RPS24: variants seen among roughly 807,000 people sequenced by gnomAD.
RPS24 encodes the protein ribosomal protein S24.
For missense variants in RPS24, 100 were observed against 162.5 expected, an observed-to-expected ratio of 0.62 and a Z score of 2.09; for synonymous variants, 72 against 55.6, an observed-to-expected ratio of 1.30 and a Z score of -1.31.
chr10:78,046,297 A>G (rs1311881572), intron 4 of RPS24, among the ~76,000 whole-genome samples: 4 of 151,466 alleles, frequency 2.6e-5, no homozygotes, highest in Non-Finnish European at 5.9e-5. Flanking sequence ...TTTATTGTTT[A>G]CCATGTGCCA....
At chr10:78,050,664 G>A (rs1281482069) in intron 4 of RPS24, among the ~76,000 whole-genome samples, 8 of 152,184 alleles carry the variant, frequency 5.3e-5, no homozygotes, top group Admixed American at 6.5e-5. Context: ...AGCCTGGAGT[G>A]CAGTGATGTG....
chr10:78,055,167 A>G (rs1848138420), exon 5 of RPS24: 1 of 1,234,630 alleles, frequency 8.1e-7, no homozygotes, highest in African/African-American at 1.5e-5. Flanking sequence ...CTCTCACCCA[A>G]ATGCCAAAGA....
At chr10:78,046,890 G>A (rs1159508248) in intron 4 of RPS24, among the ~76,000 whole-genome samples, 2 of 152,184 alleles carry the variant, frequency 1.3e-5, no homozygotes, top group Admixed American at 6.5e-5. Context: ...GACAGCAGCA[G>A]CAGTGTCACC....
chr10:78,056,353 A>G (rs1389000855), exon 5 of RPS24: 3 of 151,974 alleles, frequency 2.0e-5, no homozygotes, highest in African/African-American at 7.3e-5. Context: ...CCTCTTCAAG[A>G]ATTCATTCTA....
intron 3 of RPS24, chr10:78,036,005 A>T (rs1429206991): frequency 4.7e-6 from 2 of 423,512 alleles, no homozygotes; most frequent in African/African-American, 4.0e-5. Context: ...GTGTTTGGAA[A>T]GGTAGCCTGG....
chr10:78,050,930 C>T (rs1290353953), intron 4 of RPS24, among the ~76,000 whole-genome samples: 2 of 152,210 alleles, frequency 1.3e-5, no homozygotes, highest in African/African-American at 4.8e-5. Flanking sequence ...GTGTCTCATG[C>T]TTATAATCCC....
chr10:78,034,902 C>G (rs541127599), intron 1 of RPS24, among the ~76,000 whole-genome samples: 1 of 152,236 alleles, frequency 6.6e-6, no homozygotes, highest in African/African-American at 2.4e-5. Context: ...AGTGATTTTT[C>G]TCCTAAGGGA....
At chr10:78,033,984 T>C (rs1847799359) in intron 1 of RPS24, 80 bp downstream of exon 1, 1 of 1,561,010 alleles carries the variant, frequency 6.4e-7, no homozygotes, top group South Asian at 1.1e-5. Flanking sequence ...ACTTGAGCTA[T>C]AGGCACGCGA....
At chr10:78,040,081 C>A in intron 4 of RPS24, 123 bp from the exon 5 acceptor site, 1 of 875,664 alleles carries the variant, frequency 1.1e-6, no homozygotes, top group South Asian at 1.4e-5. Flanking sequence ...ACAAAATGGT[C>A]ATCTTTAAGG....
chr10:78,042,464 G>A (rs1847996524), downstream of RPS24, among the ~76,000 whole-genome samples: 1 of 152,220 alleles, frequency 6.6e-6, no homozygotes. Context: ...AAAACAGTTT[G>A]GAAACTAGTG....
chr10:78,036,258 A>G (rs906597135), intron 3 of RPS24: 27 of 168,430 alleles, frequency 1.6e-4, no homozygotes, highest in African/African-American at 6.2e-4. Context: ...AAACCTTCCC[A>G]TACGATAGCT....
chr10:78,053,793 T>G (rs1468000892), intron 4 of RPS24, among the ~76,000 whole-genome samples: 1 of 152,092 alleles, frequency 6.6e-6, no homozygotes, highest in East Asian at 1.9e-4. Context: ...CACAGTATAT[T>G]GGTGCATAAG....
chr10:78,054,788 C>T (rs1453296093), exon 5 of RPS24: 3 of 1,551,672 alleles, frequency 1.9e-6, no homozygotes, highest in Admixed American at 3.9e-5. Context: ...GGGCACTGGT[C>T]AGAAACGGAG....
chr10:78,033,865 C>T lies in RPS24; in HGVS notation c.-37C>T, dbSNP rs375555593. ...TGATTGGCCGGCGAATCGTGGTTCT[C>T]TTTTCCTCCTTGGCTGTCTGAAGAT... On this transcript the variant is annotated 5_prime_UTR_variant, in exon 1 of 6. Coordinates refer to ENST00000372360, the MANE Select transcript of RPS24 (RefSeq NM_033022.4). 96 of 1,613,908 alleles carry T rather than the reference C, an allele frequency of 5.9e-5. No homozygotes were observed. The highest frequency in any genetic ancestry group is 1.7e-4 in the African/African-American group (13 of 74,946).
chr10:78,036,781 C>T (rs575632483), intron 3 of RPS24, among the ~76,000 whole-genome samples: 8 of 152,068 alleles, frequency 5.3e-5, no homozygotes, highest in African/African-American at 1.2e-4. Context: ...TGAGTAGATC[C>T]GGAATCTCCA....
chr10:78,037,101 C>G, intron 3 of RPS24, 93 bp from the exon 4 acceptor site: 1 of 1,490,136 alleles, frequency 6.7e-7, no homozygotes, highest in South Asian at 1.3e-5. Context: ...AGCTGTGTTT[C>G]TTAAGCTCAG....
intron 1 of RPS24, chr10:78,034,141 C>T: frequency 3.0e-6 from 1 of 328,062 alleles, no homozygotes; most frequent in East Asian, 8.2e-5. Flanking sequence ...AGTGCAGGAG[C>T]TGTTGCGCTT....
intron 4 of RPS24, among the ~76,000 whole-genome samples, chr10:78,045,797 G>A (rs1294405444): frequency 2.0e-5 from 3 of 151,814 alleles, no homozygotes; most frequent in African/African-American, 4.8e-5. Context: ...TTGACGTCAG[G>A]AGTTCGAGAC....
intron 5 of RPS24, 86 bp from the exon 6 acceptor site, chr10:78,040,529 G>A (rs1208240933): frequency 2.1e-6 from 2 of 936,190 alleles, no homozygotes; most frequent in African/African-American, 3.2e-5. Context: ...TAATTGTTGT[G>A]CATGAGTGTT....
Sources: allele counts gnomAD v4.1 joint callset (sites outside exome capture counted in the v4.1 genomes callset), GRCh38; gene constraint gnomAD v4.1.1; transcripts MANE v1.5; gene names NCBI Gene and HGNC (gene_info 2026-07-23, HGNC 2026-07-21).